TRIO: variants seen among roughly 807,000 people sequenced by gnomAD.
TRIO encodes the protein trio Rho guanine nucleotide exchange factor.
Under a neutral mutation model 351.9 loss-of-function variants are expected in TRIO, and 58 were observed. That is an observed-to-expected ratio of 0.16 (90% CI 0.13 to 0.21). The LOEUF (loss-of-function observed/expected upper bound fraction) is 0.21, where lower values mean the gene tolerates loss of function less well. TRIO is among the 10% of genes least tolerant of loss of function. The pLI is 1.00. For missense variants in TRIO, 3,201 were observed against 4,027.8 expected (o/e 0.79, Z 5.56); for synonymous variants, 1,758 against 1,595.7 (o/e 1.10, Z -2.42).
At chr5:14,163,747 G>A (rs1788609490) in intron 1 of TRIO, among the ~76,000 whole-genome samples, 2 of 152,166 alleles carry the variant, frequency 1.3e-5, no homozygotes, top group Non-Finnish European at 2.9e-5. Flanking sequence ...TCCTGTGAGT[G>A]TAATTTAAAA....
chr5:14,199,565 T>C (rs964207472), intron 1 of TRIO, among the ~76,000 whole-genome samples: 2 of 152,344 alleles, frequency 1.3e-5, no homozygotes, highest in Admixed American at 6.5e-5. Context: ...TCAGCTCTGC[T>C]CCTGGTATCA....
At chr5:14,427,488 C>T (rs780693727) in intron 34 of TRIO, among the ~76,000 whole-genome samples, 3 of 152,198 alleles carry the variant, frequency 2.0e-5, no homozygotes, top group Non-Finnish European at 2.9e-5. Context: ...TACGCCGGTG[C>T]TGTTTCCCTG....
intron 1 of TRIO, among the ~76,000 whole-genome samples, chr5:14,209,553 C>G (rs1043266752): frequency 3.9e-5 from 6 of 152,122 alleles, no homozygotes; most frequent in African/African-American, 1.4e-4. Context: ...TTGTATCGTA[C>G]TGGGTTAAAC....
Position 14,487,678 on chromosome 5 carries a change from C to A in TRIO, c.7050C>A (p.Pro2350=). 1 of 1,411,916 alleles carries A rather than the reference C, an allele frequency of 7.1e-7. No homozygotes were observed. The highest frequency in any genetic ancestry group is 9.3e-7 in the Non-Finnish European group (1 of 1,071,566). The allele number at this position is 1,411,916 out of a possible 1,614,324, so 87.5% of individuals were successfully genotyped here. Residue 2350 remains proline (P), a synonymous_variant, in exon 48 of 57, where the codon CCC becomes CCA. Coordinates refer to ENST00000344204, the MANE Select transcript of TRIO (RefSeq NM_007118.4). The stretch of plus-strand genomic sequence containing the variant: ...CCCAGCCTGTCCGACACCACCCCCC[C>A]GTGCTGGTCTCCTCTGCAGCCTCGA... ...RIPQPVRHHP[P]VLVSSAASSQ... is the part of the protein sequence containing the mutation.
At chr5:14,270,124 G>A (rs2152269159) in intron 1 of TRIO, among the ~76,000 whole-genome samples, 1 of 152,336 alleles carries the variant, frequency 6.6e-6, no homozygotes, top group African/African-American at 2.4e-5. Context: ...ATTGCCTATT[G>A]CATGCTCCTT....
At chr5:14,465,701 G>A in intron 37 of TRIO, 61 bp downstream of exon 37, 1 of 1,571,758 alleles carries the variant, frequency 6.4e-7, no homozygotes, top group South Asian at 1.1e-5. Context: ...ACTTGCAGAT[G>A]GATTTGCCCT....
In TRIO at chr5:14,508,416, A is replaced by C; in HGVS notation, c.9288A>C (p.Arg3096Ser). 1 of 1,603,240 alleles carries C rather than the reference A, an allele frequency of 6.2e-7. No individual in the cohort carries two copies. The highest frequency in any genetic ancestry group is 1.1e-5 in the South Asian group (1 of 89,994). ...KNFLQSRLLP[R>S]V is the part of the protein sequence containing the mutation. ...TTCTGCAGAGCAGGCTTCTGCCTAG[A>C]GTTTGACCTATCCAGAAGTTCTTTC... Residue 3096 changes from arginine (R) to serine (S), a missense_variant, in exon 57 of 57, where the codon AGA becomes AGC. By Grantham distance (110) the Arg-to-Ser change is moderately radical. Coordinates refer to ENST00000344204, the MANE Select transcript of TRIO (RefSeq NM_007118.4).
intron 9 of TRIO, among the ~76,000 whole-genome samples, chr5:14,326,237 T>G (rs567210996): frequency 6.6e-6 from 1 of 152,320 alleles, no homozygotes; most frequent in Non-Finnish European, 1.5e-5. Context: ...CAGCAGGTGC[T>G]CAGATGGCGA....
intron 11 of TRIO, among the ~76,000 whole-genome samples, chr5:14,344,371 T>G (rs1049519006): frequency 5.3e-5 from 8 of 152,254 alleles, no homozygotes; most frequent in Non-Finnish European, 1.0e-4. Flanking sequence ...TCTAGTCAAT[T>G]ATGTCTTTCT....
chr5:14,207,559 G>GACACACACACACAC (rs1554033526), intron 1 of TRIO, among the ~76,000 whole-genome samples: 1 of 94,540 alleles, frequency 1.1e-5, no homozygotes, highest in Non-Finnish European at 2.3e-5. Flanking sequence ...CACACACACG[G>GACACACACACACAC]AGCCAGGTGT....
rs200376843 is a variant in TRIO, at chr5:14,317,884, T to C, written c.1731+1141T>C. Among the ~76,000 whole-genome samples, 240 of 152,124 alleles carry C rather than the reference T, an allele frequency of 1.6e-3. 3 individuals are homozygous for C. Among genetic ancestry groups the C allele is most frequent in the African/African-American group, 5.5e-3 (230 of 41,504 alleles). ...GCTCACGCCTGTAATCCCAGCACTTTAGGAGGCCAAGGGGGGTGGATCACC... is the reference window on the plus strand; with the variant it reads ...GCTCACGCCTGTAATCCCAGCACTTCAGGAGGCCAAGGGGGGTGGATCACC... On this transcript the variant is annotated intron_variant, in intron 9 of 56. Transcript: ENST00000344204.
At position 14,215,639 on chromosome 5, in the gene TRIO, T is replaced by G. The variant is rs551482596; in HGVS notation, c.158-55186T>G. Among the ~76,000 whole-genome samples, 3 of 152,338 alleles carry G rather than the reference T, an allele frequency of 2.0e-5. 1 individual carries two copies. The South Asian group carries it at 6.2e-4, about 32-fold the overall frequency. ...AGTTTGAGATCTTTTAGCGCCAAGATCTAATGATTCCACGAAATGTGAGAT... is the reference window on the plus strand; with the variant it reads ...AGTTTGAGATCTTTTAGCGCCAAGAGCTAATGATTCCACGAAATGTGAGAT... On this transcript the variant is annotated intron_variant, in intron 1 of 56. Transcript: ENST00000344204.
intron 33 of TRIO, among the ~76,000 whole-genome samples, chr5:14,409,985 A>T (rs988021824): frequency 2.6e-5 from 4 of 152,090 alleles, no homozygotes; most frequent in African/African-American, 9.7e-5. Context: ...ATGGTTAACC[A>T]TCTTGAAGGA....
chr5:14,340,120 C>T (rs1345695268), intron 11 of TRIO, among the ~76,000 whole-genome samples: 2 of 152,032 alleles, frequency 1.3e-5, no homozygotes, highest in Admixed American at 6.5e-5. Context: ...CTTGGCTGGG[C>T]GTGGTGATTC....
intron 34 of TRIO, among the ~76,000 whole-genome samples, chr5:14,429,426 A>C (rs578182690): frequency 6.6e-6 from 1 of 152,208 alleles, no homozygotes; most frequent in African/African-American, 2.4e-5. Flanking sequence ...TGTTTTACAC[A>C]TCCTGATAGC....
At chr5:14,467,846 G>A (rs1754378750) in intron 37 of TRIO, among the ~76,000 whole-genome samples, 3 of 152,164 alleles carry the variant, frequency 2.0e-5, no homozygotes. Context: ...AACCATGCCA[G>A]TATGTACTGA....
intron 2 of TRIO, among the ~76,000 whole-genome samples, chr5:14,276,663 G>T (rs1211018913): frequency 6.6e-6 from 1 of 152,224 alleles, no homozygotes; most frequent in Admixed American, 6.5e-5. Flanking sequence ...ATTGAAACAA[G>T]CGCTATGGAG....
At position 14,404,522 on chromosome 5, in the gene TRIO, A is replaced by G. The variant is rs184019332; in HGVS notation, c.4717-1326A>G. ...TCCTCAGTTGTTTCCAAACTCTGCC[A>G]GTTGTTCTTTTGCAGGTACTTCTCT... On this transcript the variant is annotated intron_variant, in intron 31 of 56. Transcript: ENST00000344204. 3.9e-5 allele frequency among the ~76,000 whole-genome samples: 6 copies of G among 152,296 alleles called. No individual in the cohort carries two copies. The South Asian group carries it at 1.0e-3, about 26-fold the overall frequency.
At chr5:14,252,991 A>G (rs532346755) in intron 1 of TRIO, among the ~76,000 whole-genome samples, 2 of 152,228 alleles carry the variant, frequency 1.3e-5, no homozygotes, top group Admixed American at 6.5e-5. Flanking sequence ...CCTGGCCCCA[A>G]AATTACAATT....
Sources: allele counts gnomAD v4.1 joint callset (sites outside exome capture counted in the v4.1 genomes callset), GRCh38; gene constraint gnomAD v4.1.1; transcripts MANE v1.5; gene names NCBI Gene and HGNC (gene_info 2026-07-23, HGNC 2026-07-21).